The following DUOX2 variants were observed in gnomAD, a reference collection of about 807,000 sequenced individuals.
The protein encoded by DUOX2 is dual oxidase 2, also known as NADH/NADPH thyroid oxidase p138-tox.
In DUOX2, 185 loss-of-function variants were observed where a neutral mutation model predicts 183.3. The ratio of observed to expected loss-of-function variants is 1.01; its 90% CI spans 0.90 to 1.14. The LOEUF (loss-of-function observed/expected upper bound fraction) is 1.14. Ranked by LOEUF, DUOX2 falls within the 50% of genes most tolerant of loss-of-function variation. The pLI is 0.00. For synonymous variants in DUOX2, 788 were observed against 812.4 expected, an observed-to-expected ratio of 0.97 and a Z score of 0.51; for missense variants, 1,999 against 2,022.9, an observed-to-expected ratio of 0.99 and a Z score of 0.23.
Position 45,096,167 on chromosome 15 carries a change from C to T in DUOX2, c.3848-107G>A, listed in dbSNP as rs1037271516. The stretch of plus-strand genomic sequence containing the variant: ...ACACCCCTGAGGCCTGGGGAGTAGT[C>T]ACATGGTCTGAGCAAGCGGGGCTCC... On this transcript the variant is annotated intron_variant, in intron 29 of 33. Coordinates refer to ENST00000389039, the MANE Select transcript of DUOX2 (RefSeq NM_001363711.2). 54 of 982,658 alleles carry T rather than the reference C, an allele frequency of 5.5e-5. No individual in the cohort carries two copies. The African/African-American group carries it at 7.1e-4, about 13-fold the overall frequency. The allele number at this position is 982,658 out of a possible 1,614,324, so 60.9% of individuals were successfully genotyped here.
Position 45,100,153 on chromosome 15 carries a change from C to A in DUOX2, c.3081G>T (p.Lys1027Asn), listed in dbSNP as rs78876145. 1.4e-5 allele frequency: 23 copies of A among 1,614,210 alleles called. No individual in the cohort carries two copies. The Admixed American group carries it at 1.7e-4, about 12-fold the overall frequency. Residue 1027 changes from lysine (K) to asparagine (N), a missense_variant, in exon 24 of 34, where the codon AAG becomes AAT. Physicochemically the swap from Lys to Asn is moderately conservative, Grantham distance 94 (BLOSUM62 0). Coordinates refer to ENST00000389039, the MANE Select transcript of DUOX2 (RefSeq NM_001363711.2). Reference protein sequence around the residue: ...EKMQRGFLAQKLQQYKRFVEN... With the variant: ...EKMQRGFLAQNLQQYKRFVEN... ...CCACGAAGCGCTTGTACTGCTGCAGCTTTTGGGCTAGGAAGCCTCGCTGCA... is the reference window on the plus strand; with the variant it reads ...CCACGAAGCGCTTGTACTGCTGCAGATTTTGGGCTAGGAAGCCTCGCTGCA...
In DUOX2 at chr15:45,110,517, A is replaced by G. The variant is rs1894354304; in HGVS notation, c.951T>C (p.Arg317=). The G allele has an allele frequency of 1.2e-6, 2 of 1,613,974 alleles. No individual in the cohort carries two copies. The highest frequency in any genetic ancestry group is 2.7e-5 in the African/African-American group (2 of 74,892). ...GGGAGATGCTGGGGTCTAGGAAAGGACGGTATCCTGCAGGAAGGAGACGGT... is the reference window on the plus strand; with the variant it reads ...GGGAGATGCTGGGGTCTAGGAAAGGGCGGTATCCTGCAGGAAGGAGACGGT... The part of the protein sequence containing the change: ...QKTLPEYTGY[R]PFLDPSISPE... Residue 317 remains arginine, a synonymous_variant, in exon 9 of 34, where the codon CGT becomes CGC. Coordinates refer to ENST00000389039, the MANE Select transcript of DUOX2 (RefSeq NM_001363711.2).
At position 45,111,949 on chromosome 15, in the gene DUOX2, T is replaced by C. The variant is rs1595529241; in HGVS notation, c.332A>G (p.His111Arg). Reference sequence around the variant, plus strand: ...CACGCTCACCACGTCGGAAAGAACATGGTAGCCTGCGGGCATGGGGCGCCA... The same window carrying C: ...CACGCTCACCACGTCGGAAAGAACACGGTAGCCTGCGGGCATGGGGCGCCA... ...RTVLGVFFGY[H>R]VLSDVVSVET... The change falls in exon 5 of 34, where the codon CAT becomes CGT. Residue 111 changes from histidine (H) to arginine (R), a missense_variant. Physicochemically the swap from His to Arg is conservative, Grantham distance 29. Transcript: ENST00000389039. The C allele has an allele frequency of 6.2e-7, 1 of 1,613,340 alleles. No individual in the cohort carries two copies. Among genetic ancestry groups the C allele is most frequent in the Non-Finnish European group, 8.5e-7 (1 of 1,179,916 alleles).
chr15:45,112,119 T>G (rs1199846779), intron 4 of DUOX2, among the ~76,000 whole-genome samples, 164 bp from the exon 5 acceptor site: 4 of 152,226 alleles, frequency 2.6e-5, no homozygotes. Context: ...TTTTCTAATC[T>G]GCAAAGTAAG....
At chr15:45,112,802 C>G in intron 3 of DUOX2, 84 bp from the exon 4 acceptor site, 3 of 1,592,090 alleles carry the variant, frequency 1.9e-6, no homozygotes, top group Non-Finnish European at 2.6e-6. Context: ...CCCTCAACCC[C>G]CATCCCACTT....
At chr15:45,109,734 C>T in intron 10 of DUOX2, 108 bp from the exon 11 acceptor site, 1 of 1,336,938 alleles carries the variant, frequency 7.5e-7, no homozygotes, top group Non-Finnish European at 1.1e-6. Context: ...CAGTCCCAGA[C>T]TCTCTTGAAC....
Position 45,109,698 on chromosome 15 carries a change from G to A in DUOX2, c.1132-72C>T, listed in dbSNP as rs568638609. 38 of 1,512,114 alleles carry A rather than the reference G, an allele frequency of 2.5e-5. No individual in the cohort carries two copies. The South Asian group carries it at 3.7e-4, about 15-fold the overall frequency. 93.7% of individuals were successfully genotyped at this position (1,512,114 alleles called of 1,614,324 possible). On this transcript the variant is annotated intron_variant, in intron 10 of 33. Coordinates refer to ENST00000389039, the MANE Select transcript of DUOX2 (RefSeq NM_001363711.2). The stretch of plus-strand genomic sequence containing the variant: ...GTCTCTCTCAGCCTGGACCACTTTA[G>A]TACCCCAGGACAAAGGGCCCTTGGC...
intron 13 of DUOX2, among the ~76,000 whole-genome samples, 197 bp downstream of exon 13, chr15:45,107,850 C>CAAAAAAAAAAAAAAAAAAAA (rs36025213): frequency 4.1e-5 from 2 of 48,852 alleles, no homozygotes; most frequent in Non-Finnish European, 7.2e-5. Context: ...GACTCTGCCT[C>CAAAAAAAAAAAAAAAAAAAA]AAAAAAAAAA....
chr15:45,112,525 A>G, intron 4 of DUOX2, 29 bp downstream of exon 4: 1 of 1,607,758 alleles, frequency 6.2e-7, no homozygotes, highest in Non-Finnish European at 8.5e-7. Flanking sequence ...CGCCAGATCA[A>G]CCCCACTGGT....
intron 12 of DUOX2, chr15:45,108,437 C>T: frequency 3.2e-6 from 2 of 620,660 alleles, no homozygotes; most frequent in Non-Finnish European, 5.6e-6. Flanking sequence ...TGCCCTAGGA[C>T]CATATCCTGT....
chr15:45,099,501 G>T lies in DUOX2; in HGVS notation c.3416-19C>A. 6.2e-7 allele frequency: 1 copy of T among 1,611,990 alleles called. No individual in the cohort carries two copies. ...TGCAAAACTGGAAGAGACAGACCCT[G>T]TTAGAGATGCCAACCAGGACAGACT... On this transcript the variant is annotated intron_variant, in intron 25 of 33. Coordinates refer to ENST00000389039, the MANE Select transcript of DUOX2 (RefSeq NM_001363711.2).
intron 18 of DUOX2, 41 bp from the exon 19 acceptor site, chr15:45,104,406 G>C: frequency 6.3e-7 from 1 of 1,599,322 alleles, no homozygotes; most frequent in Non-Finnish European, 8.5e-7. Context: ...AGAGAAGGAG[G>C]TGAAGCCTAT....
intron 33 of DUOX2, 33 bp from the exon 34 acceptor site, chr15:45,094,305 C>G (rs932551757): frequency 3.1e-6 from 5 of 1,613,786 alleles, no homozygotes; most frequent in Admixed American, 1.7e-5. Flanking sequence ...GAGGGGCCTG[C>G]AGCCTAAAGG....
intron 5 of DUOX2, 49 bp from the exon 6 acceptor site, chr15:45,111,634 C>A: frequency 6.8e-7 from 1 of 1,468,218 alleles, no homozygotes; most frequent in Non-Finnish European, 8.9e-7. Context: ...GGCGGCGGGC[C>A]AGGGAAGGCC....
At chr15:45,112,084 G>A (rs1270064240) in intron 4 of DUOX2, 129 bp from the exon 5 acceptor site, 14 of 1,149,668 alleles carry the variant, frequency 1.2e-5, no homozygotes, top group Non-Finnish European at 1.6e-5. Context: ...CACCAGCTCT[G>A]CACGTTAGCC....
intron 22 of DUOX2, 153 bp downstream of exon 22, chr15:45,101,052 G>T: frequency 1.3e-6 from 1 of 761,760 alleles, no homozygotes; most frequent in Non-Finnish European, 2.3e-6. Flanking sequence ...AGCATAGGGT[G>T]AGAGAGGCAG....
rs996861748 is a variant in DUOX2 at position 45,104,249 on chromosome 15, G to C, written c.2451C>G (p.Leu817=). 2 of 1,614,004 alleles carry C rather than the reference G, an allele frequency of 1.2e-6. No homozygotes were observed. Among genetic ancestry groups the C allele is most frequent in the African/African-American group, 2.7e-5 (2 of 74,914 alleles). ...ACTCCACAAACATGTCCTGGGGCTT[G>C]AGGCCCAGGGACTCGGCAAACTCGG... is the stretch of plus-strand genomic sequence containing the variant. ...SRAEFAESLG[L]KPQDMFVESM... The change falls in exon 19 of 34, where the codon CTC becomes CTG. Residue 817 remains leucine (L), a synonymous_variant. Transcript: ENST00000389039.
chr15:45,103,463 C>G (rs1894131166), intron 20 of DUOX2, among the ~76,000 whole-genome samples: 1 of 152,008 alleles, frequency 6.6e-6, no homozygotes, highest in Non-Finnish European at 1.5e-5. Context: ...TTTACCGGCA[C>G]AACAAAACCA....
chr15:45,100,358 G>T, intron 23 of DUOX2, 130 bp from the exon 24 acceptor site: 1 of 827,824 alleles, frequency 1.2e-6, no homozygotes, highest in Non-Finnish European at 1.9e-6. Flanking sequence ...ATGGAAAAAA[G>T]CAATCTGGGG....
Sources: gnomAD v4.1 joint callset for allele counts (sites outside exome capture counted in the v4.1 genomes callset) on GRCh38, gnomAD v4.1.1 for gene constraint, MANE v1.5 for transcripts, NCBI Gene and HGNC (gene_info 2026-07-23, HGNC 2026-07-21) for gene names.